AGAP2: variants seen among roughly 807,000 people sequenced by gnomAD.
AGAP2 encodes the protein arf-GAP with GTPase, ANK repeat and PH domain-containing protein 2.
Under a neutral mutation model 110.9 loss-of-function variants are expected in AGAP2, and 32 were observed. That is an observed-to-expected ratio of 0.29 (90% CI 0.22 to 0.39). The LOEUF is 0.39. AGAP2 is among the 10% of genes least tolerant of loss of function. The probability of loss-of-function intolerance (pLI) is 1.00; values close to 1 mark genes in which losing one functional copy is unlikely to be tolerated. For missense variants in AGAP2, 1,285 were observed against 1,638.5 expected, an observed-to-expected ratio of 0.78 and a Z score of 3.72; for synonymous variants, 702 against 713.0, an observed-to-expected ratio of 0.98 and a Z score of 0.25.
At chr12:57,740,939 C>T (rs1262719415), upstream of AGAP2, among the ~76,000 whole-genome samples, 1 of 152,170 alleles carries the variant, frequency 6.6e-6, no homozygotes, top group South Asian at 2.1e-4. Context: ...TTGACAACCA[C>T]CCAGGTAGGC....
intron 1 of AGAP2, among the ~76,000 whole-genome samples, chr12:57,736,161 G>C (rs958375878): frequency 2.0e-4 from 30 of 151,846 alleles, no homozygotes; most frequent in African/African-American, 7.3e-4. Context: ...GCTGCGGCGG[G>C]AACTCTGGGA....
chr12:57,742,133 C>T (rs1307496072), upstream of AGAP2: 3 of 1,572,870 alleles, frequency 1.9e-6, no homozygotes, highest in African/African-American at 2.7e-5. Context: ...CATGGCCCTA[C>T]AGCCCCCAAA....
In AGAP2 at chr12:57,737,132, G is replaced by T. The variant is rs1395402183; in HGVS notation, c.1115C>A (p.Ser372Tyr). ...SGPLPGPPSLSSGSGSRELLG... is the reference protein window; with the variant it reads ...SGPLPGPPSLYSGSGSRELLG... ...CAGCTCCCTGGACCCGCTGCCAGAAGACAGGCTGGGGGGTCCGGGAAGGGG... is the reference window on the plus strand; with the variant it reads ...CAGCTCCCTGGACCCGCTGCCAGAATACAGGCTGGGGGGTCCGGGAAGGGG... The change falls in exon 1 of 19, where the codon TCT becomes TAT. Residue 372 changes from serine (S) to tyrosine (Y), a missense_variant. This residue lies in a region of AGAP2 where 844 missense variants were observed against 941.2 expected (regional missense o/e 0.90). Coordinates refer to ENST00000547588, the MANE Select transcript of AGAP2 (RefSeq NM_001122772.3). The surrounding 1 kb of genome is among the most constrained non-coding windows in gnomAD (Gnocchi z 5.9). 3.8e-6 allele frequency: 6 copies of T among 1,567,860 alleles called. No individual in the cohort carries two copies. The highest frequency in any genetic ancestry group is 4.3e-6 in the Non-Finnish European group (5 of 1,157,196).
At chr12:57,729,351 T>C (rs1330634229) in intron 13 of AGAP2, among the ~76,000 whole-genome samples, 1 of 148,126 alleles carries the variant, frequency 6.8e-6, no homozygotes, top group African/African-American at 2.5e-5. Context: ...GTAAGTGGAG[T>C]TGAGGGAAGG....
chr12:57,731,992 A>C (rs374154369), intron 7 of AGAP2, 25 bp from the exon 8 acceptor site: 15 of 1,610,384 alleles, frequency 9.3e-6, no homozygotes, highest in African/African-American at 8.0e-5. Flanking sequence ...AAGAGTCAGC[A>C]GAGCTGAGAT....
In AGAP2 at chr12:57,737,135, A is replaced by C; in HGVS notation, c.1112T>G (p.Leu371Arg). The C allele has an allele frequency of 6.4e-7, 1 of 1,567,842 alleles. No individual in the cohort carries two copies. Among genetic ancestry groups the C allele is most frequent in the East Asian group, 2.4e-5 (1 of 42,418 alleles). ...GSGPLPGPPSLSSGSGSRELL... is the reference protein window; with the variant it reads ...GSGPLPGPPSRSSGSGSRELL... ...CTCCCTGGACCCGCTGCCAGAAGAC[A>C]GGCTGGGGGGTCCGGGAAGGGGCCC... Residue 371 changes from leucine (L) to arginine (R), a missense_variant, in exon 1 of 19, where the codon CTG (leucine) becomes CGG (arginine). Coordinates refer to ENST00000547588, the MANE Select transcript of AGAP2 (RefSeq NM_001122772.3). This position sits in a 1 kb window ranked among gnomAD's most constrained non-coding sequence, Gnocchi z 5.9.
chr12:57,726,519 C>A lies in AGAP2; in HGVS notation c.*33G>T. 8.3e-7 allele frequency: 1 copy of A among 1,208,094 alleles called. No homozygotes were observed. The highest frequency in any genetic ancestry group is 1.0e-6 in the Non-Finnish European group (1 of 971,248). 74.8% of individuals were successfully genotyped at this position (1,208,094 alleles called of 1,614,324 possible). On this transcript the variant is annotated 3_prime_UTR_variant, in exon 19 of 19. Coordinates refer to ENST00000547588, the MANE Select transcript of AGAP2 (RefSeq NM_001122772.3). The surrounding 1 kb of genome is among the most constrained non-coding windows in gnomAD (Gnocchi z 5.7). Reference sequence around the variant, plus strand: ...GCCCGGTGTGGTCGTGCCCGGCCCGCGTGGGGATGGGGGTGTCTCTCCCGC... The same window carrying A: ...GCCCGGTGTGGTCGTGCCCGGCCCGAGTGGGGATGGGGGTGTCTCTCCCGC...
At chr12:57,739,708 G>A (rs1373658627), upstream of AGAP2, 2 of 152,218 alleles carry the variant, frequency 1.3e-5, no homozygotes, top group South Asian at 4.1e-4. Context: ...GACCAACCGC[G>A]GGATGCTGAA....
chr12:57,741,805 GGGGA>G, upstream of AGAP2: 1 of 1,296,858 alleles, frequency 7.7e-7, no homozygotes, highest in Non-Finnish European at 1.1e-6. Flanking sequence ...GTCCCATCTT[GGGGA>G]CTAGGAAGTA....
Position 57,731,829 on chromosome 12 carries a change from G to A in AGAP2, c.1933C>T (p.Arg645Cys), listed in dbSNP as rs537683521. 63 of 1,586,060 alleles carry A rather than the reference G, an allele frequency of 4.0e-5. 1 individual carries two copies. The South Asian group carries it at 5.9e-4, about 15-fold the overall frequency. The change falls in exon 8 of 19, where the codon CGC becomes TGC. Residue 645 changes from arginine to cysteine, a missense_variant. Transcript: ENST00000547588. ...TPGSLHRAAK[R>C]RTSLFANRRG... ...AATACCGCAAAAAGGCTGGTCCTGCGCTTGGCTGCCCGGTGCAGGGACCCT... is the reference window on the plus strand; with the variant it reads ...AATACCGCAAAAAGGCTGGTCCTGCACTTGGCTGCCCGGTGCAGGGACCCT...
chr12:57,734,772 C>T lies in AGAP2; in HGVS notation c.1228-93G>A, dbSNP rs1954949533. 9.4e-6 allele frequency: 11 copies of T among 1,175,042 alleles called. No homozygotes were observed. The East Asian group carries it at 2.6e-4, about 27-fold the overall frequency. The allele number at this position is 1,175,042 out of a possible 1,614,324, so 72.8% of individuals were successfully genotyped here. On this transcript the variant is annotated intron_variant, in intron 2 of 18. Coordinates refer to ENST00000547588, the MANE Select transcript of AGAP2 (RefSeq NM_001122772.3). ...CTCCAGAAAACCCAGAGAGATAAGT[C>T]ATCCAAGCAGGACCCTACAGGGCCT...
chr12:57,738,869 G>C (rs553228229), upstream of AGAP2, among the ~76,000 whole-genome samples: 274 of 152,056 alleles, frequency 1.8e-3, 2 homozygotes, highest in African/African-American at 6.4e-3. The surrounding 1 kb of genome is among the most constrained non-coding windows in gnomAD (Gnocchi z 6.7). Context: ...GGGTCTGGGA[G>C]GGGAGGGGCG....
intron 1 of AGAP2, 58 bp from the exon 2 acceptor site, chr12:57,735,485 A>C (rs1595092639): frequency 6.7e-7 from 1 of 1,503,384 alleles, no homozygotes; most frequent in Non-Finnish European, 9.2e-7. Context: ...GACCCCCAAC[A>C]CTGAGCCACC....
intron 13 of AGAP2, 97 bp downstream of exon 13, chr12:57,729,542 T>A: frequency 6.6e-7 from 1 of 1,522,478 alleles, no homozygotes; most frequent in Admixed American, 2.1e-5. Context: ...AGCACTCAGC[T>A]CAGGCACTTT....
rs1471371866 is a variant in AGAP2 at position 57,734,689 on chromosome 12, A to C, written c.1228-10T>G. Reference sequence around the variant, plus strand: ...CATCGCCCAGCACACCCTGAGGGCAAGGTTGTGGAGCAGAAATTGTGGGAT... The same window carrying C: ...CATCGCCCAGCACACCCTGAGGGCACGGTTGTGGAGCAGAAATTGTGGGAT... On this transcript the variant is annotated splice_polypyrimidine_tract_variant and intron_variant, in intron 2 of 18. Transcript: ENST00000547588. The C allele has an allele frequency of 6.2e-7, 1 of 1,613,830 alleles. No homozygotes were observed.
rs1230439190 is a variant in AGAP2 at position 57,738,133 on chromosome 12, C to A, written c.114G>T (p.Ala38=). ...PPPPPSPSAA[A]AGAAGARGSE... ...AGCCTCTGGCACCGGCGGCGCCGGC[C>A]GCGGCCGCAGACGGAGAAGGCGGCG... is the stretch of plus-strand genomic sequence containing the variant. Residue 38 remains alanine, a synonymous_variant, in exon 1 of 19, where the codon GCG becomes GCT. Coordinates refer to ENST00000547588, the MANE Select transcript of AGAP2 (RefSeq NM_001122772.3). This position sits in a 1 kb window ranked among gnomAD's most constrained non-coding sequence, Gnocchi z 6.7. The A allele has an allele frequency of 4.6e-6, 7 of 1,521,118 alleles. No homozygotes were observed. The Admixed American group carries it at 8.1e-5, about 18-fold the overall frequency. The allele number at this position is 1,521,118 out of a possible 1,614,324, so 94.2% of individuals were successfully genotyped here.
intron 2 of AGAP2, 82 bp downstream of exon 2, chr12:57,735,287 A>C: frequency 1.6e-6 from 2 of 1,238,436 alleles, no homozygotes; most frequent in Non-Finnish European, 1.2e-6. Context: ...GAGAGAGAGA[A>C]GGAGAGGTGA....
In AGAP2 at chr12:57,726,607, C is replaced by T. The variant is rs1276080364; in HGVS notation, c.3524G>A (p.Arg1175His). ...PSITATPSPR[R>H]RSSAASVGRA... Reference sequence around the variant, plus strand: ...GCCCACGCTAGCGGCGCTGCTCCGGCGGCGGGGGCTGGGCGTGGCGGTGAT... The same window carrying T: ...GCCCACGCTAGCGGCGCTGCTCCGGTGGCGGGGGCTGGGCGTGGCGGTGAT... The change falls in exon 19 of 19, where the codon CGC becomes CAC. Residue 1175 changes from arginine to histidine, a missense_variant. Around this residue, in one of 7 missense-constraint regions of AGAP2, gnomAD observed 201 missense variants for 276.1 expected, o/e 0.73. Coordinates refer to ENST00000547588, the MANE Select transcript of AGAP2 (RefSeq NM_001122772.3). This position sits in a 1 kb window ranked among gnomAD's most constrained non-coding sequence, Gnocchi z 5.7. 2 of 1,201,272 alleles carry T rather than the reference C, an allele frequency of 1.7e-6. No individual in the cohort carries two copies. Among genetic ancestry groups the T allele is most frequent in the Admixed American group, 4.4e-5 (1 of 22,668 alleles). The allele number at this position is 1,201,272 out of a possible 1,614,324, so 74.4% of individuals were successfully genotyped here.
intron 1 of AGAP2, among the ~76,000 whole-genome samples, chr12:57,736,255 T>C (rs1954980218): frequency 6.6e-6 from 1 of 151,856 alleles, no homozygotes; most frequent in African/African-American, 2.4e-5. Context: ...CTCCCGGGAG[T>C]GTGAGCCGAA....
Sources: gnomAD v4.1 joint callset for allele counts (sites outside exome capture counted in the v4.1 genomes callset) on GRCh38, gnomAD v4.1.1 for gene constraint, gnomAD v4.1.1 regional missense constraint, Gnocchi (gnomAD v3.1) non-coding constraint, MANE v1.5 for transcripts, NCBI Gene and HGNC (gene_info 2026-07-23, HGNC 2026-07-21) for gene names.